The following TMEM232 variants were observed in gnomAD, a reference collection of about 807,000 sequenced individuals.
TMEM232 encodes the protein transmembrane protein 232.
A neutral mutation model predicts 78.8 loss-of-function variants in TMEM232; 80 were observed. The ratio of observed to expected loss-of-function variants is 1.01; its 90% confidence interval spans 0.85 to 1.22. The LOEUF (loss-of-function observed/expected upper bound fraction) is 1.22. Ranked by LOEUF, TMEM232 falls within the 50% of genes most tolerant of loss-of-function variation. The pLI is 0.00. For synonymous variants in TMEM232, 297 were observed against 254.3 expected, an observed-to-expected ratio of 1.17 and a Z score of -1.60; for missense variants, 881 against 742.2, an observed-to-expected ratio of 1.19 and a Z score of -2.17.
At chr5:110,673,544 A>G (rs1297949626) in intron 1 of TMEM232, among the ~76,000 whole-genome samples, 1 of 152,206 alleles carries the variant, frequency 6.6e-6, no homozygotes, top group Non-Finnish European at 1.5e-5. Flanking sequence ...TTAAACATCT[A>G]CTAGGAAAAA....
At chr5:110,652,294 G>GCGCGCACA (rs1554069154) in intron 2 of TMEM232, among the ~76,000 whole-genome samples, 12 of 145,360 alleles carry the variant, frequency 8.3e-5, no homozygotes, top group African/African-American at 1.3e-4. Flanking sequence ...GCACGCGCGC[G>GCGCGCACA]CACACACACA....
intron 1 of TMEM232, among the ~76,000 whole-genome samples, chr5:110,679,037 C>A (rs1275385733): frequency 6.6e-6 from 1 of 152,114 alleles, no homozygotes; most frequent in African/African-American, 2.4e-5. Flanking sequence ...AAGTAACAAG[C>A]AGCATGATTG....
At chr5:110,699,425 CATT>C (rs756314184) in intron 1 of TMEM232, among the ~76,000 whole-genome samples, 3 of 151,998 alleles carry the variant, frequency 2.0e-5, no homozygotes, top group Non-Finnish European at 4.4e-5. Context: ...ATTTTTGACT[CATT>C]AGACCAACAT....
upstream of TMEM232, chr5:110,726,772 C>T (rs561322787): frequency 2.0e-5 from 3 of 152,304 alleles, no homozygotes; most frequent in African/African-American, 7.2e-5. Context: ...TGCCCTGTCC[C>T]GTCTCCACCA....
Position 110,403,119 on chromosome 5 carries a change from G to A in TMEM232, n.309-5265C>T, listed in dbSNP as rs1175108856. On this transcript the variant is annotated intron_variant and non_coding_transcript_variant, in intron 2 of 8. Coordinates refer to the TMEM232 transcript ENST00000507188. Reference sequence around the variant, plus strand: ...ATGGATATAGGGCCATTTGCAGTCAGCTACATTCCCTACAAAAAGGTTCAA... The same window carrying A: ...ATGGATATAGGGCCATTTGCAGTCAACTACATTCCCTACAAAAAGGTTCAA... Among the ~76,000 whole-genome samples, 4 of 152,042 alleles carry A rather than the reference G, an allele frequency of 2.6e-5. No homozygotes were observed. In the East Asian group the frequency reaches 7.7e-4, roughly 29 times the overall value.
chr5:110,573,160 C>CT (rs1434957266), intron 10 of TMEM232, among the ~76,000 whole-genome samples: 4 of 152,026 alleles, frequency 2.6e-5, no homozygotes, highest in Admixed American at 2.0e-4. Flanking sequence ...TATGCCTTTT[C>CT]TTTTTATTAG....
intron 12 of TMEM232, among the ~76,000 whole-genome samples, chr5:110,444,305 G>T (rs917106755): frequency 6.6e-6 from 1 of 152,076 alleles, no homozygotes; most frequent in African/African-American, 2.4e-5. Flanking sequence ...CTCCTTCCCT[G>T]TGTGGGCGCT....
intron 8 of TMEM232, among the ~76,000 whole-genome samples, chr5:110,612,118 T>C (rs925114864): frequency 6.6e-6 from 1 of 152,158 alleles, no homozygotes; most frequent in Non-Finnish European, 1.5e-5. Flanking sequence ...ATATTACTTA[T>C]CTCATTTAAA....
chr5:110,456,178 G>C (rs1760871823), intron 12 of TMEM232, among the ~76,000 whole-genome samples: 1 of 152,094 alleles, frequency 6.6e-6, no homozygotes, highest in Non-Finnish European at 1.5e-5. Context: ...TACAAAATGA[G>C]GTTAGTTAGG....
At chr5:110,470,787 C>T (rs1025403144) in intron 12 of TMEM232, among the ~76,000 whole-genome samples, 4 of 152,236 alleles carry the variant, frequency 2.6e-5, no homozygotes, top group Admixed American at 1.3e-4. Context: ...GTGATTGTTA[C>T]ACCAGATGCA....
intron 2 of TMEM232, among the ~76,000 whole-genome samples, chr5:110,645,265 A>G (rs912052589): frequency 2.0e-5 from 3 of 151,840 alleles, no homozygotes; most frequent in Admixed American, 6.6e-5. Context: ...GTACAAAGAC[A>G]CTAGGAGTAA....
chr5:110,693,597 A>G (rs2150235800), intron 1 of TMEM232, among the ~76,000 whole-genome samples: 1 of 152,354 alleles, frequency 6.6e-6, no homozygotes, highest in East Asian at 1.9e-4. Context: ...ACCAATGCAG[A>G]GAAGTCCTTA....
At chr5:110,561,399 G>GTA (rs567759693) in intron 11 of TMEM232, among the ~76,000 whole-genome samples, 4,778 of 150,618 alleles carry the variant, frequency 0.032, 104 homozygotes, top group African/African-American at 0.055. Context: ...ATATGTGTGG[G>GTA]TATATATATA....
intron 12 of TMEM232, among the ~76,000 whole-genome samples, chr5:110,511,231 G>T (rs1041704701): frequency 5.9e-5 from 9 of 152,070 alleles, no homozygotes; most frequent in Non-Finnish European, 1.2e-4. Flanking sequence ...ACTCGTAAGT[G>T]GGAGTTGAAC....
At chr5:110,670,829 G>T (rs1010241475) in intron 1 of TMEM232, among the ~76,000 whole-genome samples, 3 of 151,988 alleles carry the variant, frequency 2.0e-5, no homozygotes, top group Admixed American at 1.3e-4. Flanking sequence ...CAATAAAAAT[G>T]CATCATAAGG....
intron 10 of TMEM232, among the ~76,000 whole-genome samples, chr5:110,592,679 A>AAAC (rs1779671355): frequency 1.3e-5 from 2 of 152,122 alleles, no homozygotes; most frequent in Non-Finnish European, 2.9e-5. Context: ...ACAAAAACAA[A>AAAC]AAACAAACAA....
intron 12 of TMEM232, among the ~76,000 whole-genome samples, chr5:110,491,349 G>T (rs1243428814): frequency 6.6e-6 from 1 of 151,894 alleles, no homozygotes; most frequent in Non-Finnish European, 1.5e-5. Context: ...TGGATAATTG[G>T]AATTATACAT....
intron 11 of TMEM232, among the ~76,000 whole-genome samples, chr5:110,538,254 C>T (rs565994196): frequency 5.3e-5 from 8 of 152,108 alleles, no homozygotes; most frequent in Non-Finnish European, 1.0e-4. Flanking sequence ...ATTAATGGCA[C>T]AGCATTTCAT....
chr5:110,442,396 T>G (rs935060032), intron 12 of TMEM232, among the ~76,000 whole-genome samples: 2 of 151,992 alleles, frequency 1.3e-5, no homozygotes, highest in Non-Finnish European at 2.9e-5. Flanking sequence ...GCTTGATCAG[T>G]TCTGCTATTA....
Sources: allele counts gnomAD v4.1 joint callset (sites outside exome capture counted in the v4.1 genomes callset), GRCh38; gene constraint gnomAD v4.1.1; transcripts MANE v1.5; gene names NCBI Gene and HGNC (gene_info 2026-07-23, HGNC 2026-07-21).